The following SYPL2 variants were observed in gnomAD, a reference collection of about 807,000 sequenced individuals.
SYPL2 encodes synaptophysin-like protein 2.
A neutral mutation model predicts 31.3 loss-of-function variants in SYPL2; 24 were observed. The ratio of observed to expected loss-of-function variants is 0.77; its 90% CI spans 0.56 to 1.08. SYPL2 has a LOEUF of 1.08. Ranked by LOEUF, SYPL2 falls within the 50% of genes least tolerant of loss-of-function variation. The pLI is 0.00. For synonymous variants in SYPL2, 144 were observed against 143.1 expected, an observed-to-expected ratio of 1.01 and a Z score of -0.05; for missense variants, 342 against 360.1, an observed-to-expected ratio of 0.95 and a Z score of 0.41.
In SYPL2 at chr1:109,478,166, C is replaced by T; in HGVS notation, c.648+157C>T. On this transcript the variant is annotated intron_variant, in intron 5 of 5. Coordinates refer to ENST00000369872, the MANE Select transcript of SYPL2 (RefSeq NM_001040709.2). This position sits in a 1 kb window ranked among gnomAD's most constrained non-coding sequence, Gnocchi z 4.0. ...CTGCGCTTCATGCTGGCTGCTGGCT[C>T]CTGGCTGACCCTGAGAGGACATTTT... The T allele has an allele frequency of 7.0e-7, 1 of 1,423,422 alleles. No individual in the cohort carries two copies. Among genetic ancestry groups the T allele is most frequent in the East Asian group, 2.6e-5 (1 of 38,794 alleles). The allele number at this position is 1,423,422 out of a possible 1,614,324, so 88.2% of individuals were successfully genotyped here. A position where few individuals can be genotyped will look rare whatever the true frequency, so the allele number is the denominator to read the frequency against.
rs1401188652 is a variant in SYPL2 at position 109,478,971 on chromosome 1, G to A, written c.649-407G>A. Among the ~76,000 whole-genome samples, 1 of 152,230 alleles carries A rather than the reference G, an allele frequency of 6.6e-6. No homozygotes were observed. The highest frequency in any genetic ancestry group is 2.4e-5 in the African/African-American group (1 of 41,452). Reference sequence around the variant, plus strand: ...TGAACATAGCCCTGGCTAGGTGCCTGATCACAGGGAAGGAGCACCTTGGAC... The same window carrying A: ...TGAACATAGCCCTGGCTAGGTGCCTAATCACAGGGAAGGAGCACCTTGGAC... On this transcript the variant is annotated intron_variant, in intron 5 of 5. Transcript: ENST00000369872. This position sits in a 1 kb window ranked among gnomAD's most constrained non-coding sequence, Gnocchi z 4.0.
rs2101006953 is a variant in SYPL2 at position 109,477,898 on chromosome 1, G to A, written c.537G>A (p.Lys179=). 2 of 1,614,220 alleles carry A rather than the reference G, an allele frequency of 1.2e-6. No individual in the cohort carries two copies. The highest frequency in any genetic ancestry group is 1.1e-5 in the South Asian group (1 of 91,086). ...GGGGCAAGGGCCTGACCGATGTCAA[G>A]GGGGCCACACGACCATCCAGCTTGA... ...AAWGKGLTDV[K]GATRPSSLTA... The change falls in exon 5 of 6, where the codon AAG becomes AAA. Residue 179 remains lysine, a synonymous_variant. Transcript: ENST00000369872.
At position 109,480,721 on chromosome 1, in the gene SYPL2, C is replaced by G. The variant is rs1044697139; in HGVS notation, c.*1173C>G. Reference sequence around the variant, plus strand: ...GGATGTTCCCTCTTCCCTTGCTGTCCCATTTCTCCCCTGTGTCCTTATTTC... The same window carrying G: ...GGATGTTCCCTCTTCCCTTGCTGTCGCATTTCTCCCCTGTGTCCTTATTTC... On this transcript the variant is annotated 3_prime_UTR_variant, in exon 6 of 6. Transcript: ENST00000369872. 1 of 152,794 alleles carries G rather than the reference C, an allele frequency of 6.5e-6. No individual in the cohort carries two copies. Among genetic ancestry groups the G allele is most frequent in the Non-Finnish European group, 1.5e-5 (1 of 68,092 alleles). 9.5% of individuals were successfully genotyped at this position (152,794 alleles called of 1,614,324 possible).
chr1:109,475,534 G>A, intron 2 of SYPL2, 47 bp from the exon 3 acceptor site: 2 of 1,595,984 alleles, frequency 1.3e-6, no homozygotes, highest in Non-Finnish European at 1.7e-6. Flanking sequence ...CTCGACTTTG[G>A]CCAGTTGAGG....
chr1:109,473,632 C>T (rs1655898796), intron 2 of SYPL2, among the ~76,000 whole-genome samples: 1 of 152,116 alleles, frequency 6.6e-6, no homozygotes, highest in African/African-American at 2.4e-5. Context: ...TGGGCTCATG[C>T]CTATAATCCC....
Position 109,466,891 on chromosome 1 carries a change from C to G in SYPL2, c.48C>G (p.Arg16=), listed in dbSNP as rs922873871. ...SAGRTADKSP[R]QQVDRLLVGL... Reference sequence around the variant, plus strand: ...GCCGCACGGCGGACAAGTCGCCGCGCCAGCAGGTAGTCCCTGCGCGCCCAG... The same window carrying G: ...GCCGCACGGCGGACAAGTCGCCGCGGCAGCAGGTAGTCCCTGCGCGCCCAG... Residue 16 remains arginine (R), a synonymous_variant, in exon 1 of 6, where the codon CGC becomes CGG. Transcript: ENST00000369872. 6.5e-7 allele frequency: 1 copy of G among 1,530,012 alleles called. No individual in the cohort carries two copies. The highest frequency in any genetic ancestry group is 1.4e-5 in the African/African-American group (1 of 71,790). The allele number at this position is 1,530,012 out of a possible 1,614,324, so 94.8% of individuals were successfully genotyped here.
chr1:109,477,495 G>C (rs1656037797), intron 4 of SYPL2, among the ~76,000 whole-genome samples: 1 of 152,188 alleles, frequency 6.6e-6, no homozygotes, highest in African/African-American at 2.4e-5. Flanking sequence ...GGTGATCAAA[G>C]AAAAAGCTGG....
chr1:109,468,455 G>A lies in SYPL2; in HGVS notation c.129+1322G>A, dbSNP rs539693315. On this transcript the variant is annotated intron_variant, in intron 2 of 5. Coordinates refer to ENST00000369872, the MANE Select transcript of SYPL2 (RefSeq NM_001040709.2). Reference sequence around the variant, plus strand: ...CAAGTGCAAACTCTGGGACCTGGTGGGGACTCTCCACCTTTCTTACTGCCT... The same window carrying A: ...CAAGTGCAAACTCTGGGACCTGGTGAGGACTCTCCACCTTTCTTACTGCCT... Among the ~76,000 whole-genome samples the A allele has an allele frequency of 4.1e-4, 63 of 152,270 alleles. No individual in the cohort carries two copies. In the South Asian group the frequency reaches 5.0e-3, roughly 12 times the overall value.
intron 2 of SYPL2, among the ~76,000 whole-genome samples, chr1:109,472,778 A>G (rs1655873809): frequency 6.6e-6 from 1 of 151,668 alleles, no homozygotes; most frequent in East Asian, 1.9e-4. Context: ...TGCCCAGCTA[A>G]TTTTTTGTTT....
rs1358566633 is a variant in SYPL2, at chr1:109,482,009, A to G, written c.*2461A>G. The G allele has an allele frequency of 3.3e-5, 5 of 152,632 alleles. No individual in the cohort carries two copies. Among genetic ancestry groups the G allele is most frequent in the South Asian group, 2.1e-4 (1 of 4,820 alleles). 9.5% of individuals were successfully genotyped at this position (152,632 alleles called of 1,614,324 possible). A position where few individuals can be genotyped will look rare whatever the true frequency, so the allele number is the denominator to read the frequency against. ...TTCCTGGACATGAGTTTCCTTCACTATCATAGTCATGAGCCTCCTACTTCT... is the reference window on the plus strand; with the variant it reads ...TTCCTGGACATGAGTTTCCTTCACTGTCATAGTCATGAGCCTCCTACTTCT... On this transcript the variant is annotated 3_prime_UTR_variant, in exon 6 of 6. Coordinates refer to ENST00000369872, the MANE Select transcript of SYPL2 (RefSeq NM_001040709.2).
At position 109,476,976 on chromosome 1, in the gene SYPL2, T is replaced by G; in HGVS notation, c.455T>G (p.Val152Gly). ...LYTENKRFPL[V>G]DFCVTVSFTF... ...ACAGAGAACAAACGCTTCCCGCTGG[T>G]GGTGAGTCAGCACAGGCCAGAAGGA... The change falls in exon 4 of 6, where the codon GTG (valine) becomes GGG (glycine). Residue 152 changes from valine to glycine, a missense_variant and splice_region_variant. Physicochemically the swap from Val to Gly is moderately radical, Grantham distance 109 (BLOSUM62 -3). Transcript: ENST00000369872. The G allele has an allele frequency of 6.2e-7, 1 of 1,614,150 alleles. No homozygotes were observed. Among genetic ancestry groups the G allele is most frequent in the Non-Finnish European group, 8.5e-7 (1 of 1,180,026 alleles).
intron 3 of SYPL2, 140 bp from the exon 4 acceptor site, chr1:109,476,636 C>T: frequency 1.2e-6 from 1 of 808,824 alleles, no homozygotes; most frequent in Non-Finnish European, 1.9e-6. Context: ...TGCAAGGTTC[C>T]TTCCAGAAAC....
At chr1:109,468,138 T>A (rs189099126) in intron 2 of SYPL2, among the ~76,000 whole-genome samples, 156 of 152,326 alleles carry the variant, frequency 1.0e-3, no homozygotes, top group Non-Finnish European at 1.3e-3. Flanking sequence ...ATTTCTCAAA[T>A]CATAAAGACT....
In SYPL2 at chr1:109,476,907, C is replaced by T. The variant is rs746540759; in HGVS notation, c.386C>T (p.Thr129Ile). 9 of 1,614,114 alleles carry T rather than the reference C, an allele frequency of 5.6e-6. No individual in the cohort carries two copies. Among genetic ancestry groups the T allele is most frequent in the South Asian group, 5.5e-5 (5 of 91,092 alleles). The change falls in exon 4 of 6, where the codon ACC (threonine) becomes ATC (isoleucine). Residue 129 changes from threonine to isoleucine, a missense_variant. By Grantham distance (89) the Thr-to-Ile change is moderately conservative (BLOSUM62 -1). Transcript: ENST00000369872. Reference sequence around the variant, plus strand: ...CTTGGCATCTTTTCCTTCTTCTATACCATGGCTGCCCTAGTTATCTACCTG... The same window carrying T: ...CTTGGCATCTTTTCCTTCTTCTATATCATGGCTGCCCTAGTTATCTACCTG... ...VTLGIFSFFY[T>I]MAALVIYLRF... is the part of the protein sequence containing the mutation.
intron 2 of SYPL2, among the ~76,000 whole-genome samples, chr1:109,474,875 G>A (rs1011138353): frequency 9.2e-5 from 14 of 152,262 alleles, no homozygotes; most frequent in Admixed American, 4.6e-4. Context: ...GATAAGGCAA[G>A]TGGAGGGTAC....
At chr1:109,473,243 G>T (rs762003244) in intron 2 of SYPL2, among the ~76,000 whole-genome samples, 2 of 152,204 alleles carry the variant, frequency 1.3e-5, no homozygotes, top group African/African-American at 4.8e-5. Flanking sequence ...GGCAGACAGG[G>T]CTCTACTGCA....
intron 3 of SYPL2, among the ~76,000 whole-genome samples, chr1:109,475,987 C>A (rs1655988317): frequency 6.6e-6 from 1 of 152,166 alleles, no homozygotes; most frequent in Non-Finnish European, 1.5e-5. Flanking sequence ...AGAGCCAATG[C>A]AGTTTGGGAT....
chr1:109,473,041 C>A (rs186048932), intron 2 of SYPL2, among the ~76,000 whole-genome samples: 104 of 152,094 alleles, frequency 6.8e-4, no homozygotes, highest in Non-Finnish European at 1.2e-4. Flanking sequence ...GTTCTGGGCA[C>A]CAGAAGCTAA....
At chr1:109,472,410 T>G (rs1451641992) in intron 2 of SYPL2, among the ~76,000 whole-genome samples, 1 of 151,518 alleles carries the variant, frequency 6.6e-6, no homozygotes. Flanking sequence ...TTTTCTCTTT[T>G]GTTCACTACT....
Sources: allele counts gnomAD v4.1 joint callset (sites outside exome capture counted in the v4.1 genomes callset), GRCh38; gene constraint gnomAD v4.1.1; non-coding constraint Gnocchi (gnomAD v3.1); transcripts MANE v1.5; gene names NCBI Gene and HGNC (gene_info 2026-07-23, HGNC 2026-07-21).